TNKS2: variants seen among roughly 807,000 people sequenced by gnomAD.
TNKS2 encodes tankyrase 2.
Under a neutral mutation model 137.6 loss-of-function variants are expected in TNKS2, and 72 were observed. That is an observed-to-expected ratio of 0.52 (90% CI 0.43 to 0.64). The LOEUF is 0.64. TNKS2 is among the 30% of genes least tolerant of loss of function. The pLI is 0.00. For missense variants in TNKS2, 1,049 were observed against 1,410.2 expected (o/e 0.74, Z 4.10); for synonymous variants, 516 against 512.1 (o/e 1.01, Z -0.10).
intron 1 of TNKS2, among the ~76,000 whole-genome samples, chr10:91,805,307 G>A (rs2133586552): frequency 6.6e-6 from 1 of 152,234 alleles, no homozygotes; most frequent in South Asian, 2.1e-4. Flanking sequence ...CACCAGACTG[G>A]TTTCAGACAT....
In TNKS2 at chr10:91,828,425, G is replaced by T; in HGVS notation, c.1104+19G>T. 6.5e-7 allele frequency: 1 copy of T among 1,540,086 alleles called. No homozygotes were observed. The highest frequency in any genetic ancestry group is 8.7e-7 in the Non-Finnish European group (1 of 1,146,294). On this transcript the variant is annotated intron_variant, in intron 9 of 26. Coordinates refer to ENST00000371627, the MANE Select transcript of TNKS2 (RefSeq NM_025235.4). ...AGCATTGGTAATGTTTCAGATTTAA[G>T]TTTTTAAAATACAATAACGAAGAAC...
rs563104984 is a variant in TNKS2, at chr10:91,832,007, A to G, written c.1275+826A>G. ...CGCTTCCATAAATGAAATTTGCAGAATAGTTTATTCTTACCTATCCTTTCT... is the reference window on the plus strand; with the variant it reads ...CGCTTCCATAAATGAAATTTGCAGAGTAGTTTATTCTTACCTATCCTTTCT... On this transcript the variant is annotated intron_variant, in intron 11 of 26. Coordinates refer to ENST00000371627, the MANE Select transcript of TNKS2 (RefSeq NM_025235.4). Among the ~76,000 whole-genome samples the G allele has an allele frequency of 8.5e-4, 130 of 152,298 alleles. 1 individual carries two copies. The South Asian group carries it at 0.026, about 30-fold the overall frequency.
intron 21 of TNKS2, among the ~76,000 whole-genome samples, chr10:91,852,381 C>T (rs1328345586): frequency 6.6e-6 from 1 of 151,018 alleles, no homozygotes; most frequent in East Asian, 2.0e-4. Flanking sequence ...CATGGTGAAA[C>T]CCCATCTGTA....
intron 8 of TNKS2, 71 bp from the exon 9 acceptor site, chr10:91,828,214 A>C: frequency 7.4e-7 from 1 of 1,360,084 alleles, no homozygotes; most frequent in Middle Eastern, 1.9e-4. Context: ...CAAGGAAAAT[A>C]CTAGATGTCT....
intron 15 of TNKS2, among the ~76,000 whole-genome samples, 200 bp from the exon 16 acceptor site, chr10:91,841,972 C>G (rs1842220863): frequency 6.7e-6 from 1 of 148,794 alleles, no homozygotes; most frequent in Admixed American, 6.7e-5. Context: ...ATTAAAAAAT[C>G]CAGTAATATT....
chr10:91,839,325 A>G (rs1842137527), intron 13 of TNKS2, among the ~76,000 whole-genome samples: 1 of 140,986 alleles, frequency 7.1e-6, no homozygotes, highest in Non-Finnish European at 1.5e-5. Context: ...GGACTGTATA[A>G]ACCATCAGCA....
chr10:91,812,978 T>C lies in TNKS2; in HGVS notation c.200-5T>C. On this transcript the variant is annotated splice_polypyrimidine_tract_variant and splice_region_variant and intron_variant, in intron 1 of 26. Coordinates refer to ENST00000371627, the MANE Select transcript of TNKS2 (RefSeq NM_025235.4). ...CTTACGTGTGGACAATTTGTTTTCA[T>C]CTAGGTTTTGGGCGGAAAGACGTAG... 1.2e-6 allele frequency: 2 copies of C among 1,613,862 alleles called. No homozygotes were observed. The highest frequency in any genetic ancestry group is 3.3e-5 in the Admixed American group (2 of 60,004).
Position 91,798,427 on chromosome 10 carries a change from G to A in TNKS2, c.-264G>A. On this transcript the variant is annotated 5_prime_UTR_variant, in exon 1 of 27. Coordinates refer to ENST00000371627, the MANE Select transcript of TNKS2 (RefSeq NM_025235.4). ...GGAGCTGGCAGGAGGGGCCTTGCCA[G>A]CTTCCGCCGCCGCGTCGTTTCAGGA... 3.6e-6 allele frequency: 1 copy of A among 279,858 alleles called. No homozygotes were observed. The highest frequency in any genetic ancestry group is 6.5e-6 in the Non-Finnish European group (1 of 153,072). 17.3% of individuals were successfully genotyped at this position (279,858 alleles called of 1,614,324 possible). A position where few individuals can be genotyped will look rare whatever the true frequency, so the allele number is the denominator to read the frequency against.
intron 12 of TNKS2, among the ~76,000 whole-genome samples, chr10:91,835,807 C>T (rs766159345): frequency 6.7e-6 from 1 of 149,100 alleles, no homozygotes; most frequent in Non-Finnish European, 1.5e-5. Context: ...GGGGTTTTAC[C>T]ATGTTGCCGA....
intron 1 of TNKS2, among the ~76,000 whole-genome samples, chr10:91,805,235 A>G (rs955524275): frequency 6.6e-6 from 1 of 152,158 alleles, no homozygotes; most frequent in African/African-American, 2.4e-5. Flanking sequence ...ATAGCAGATT[A>G]CATTCACTCA....
At chr10:91,808,256 A>C (rs1184115718) in intron 1 of TNKS2, among the ~76,000 whole-genome samples, 3 of 151,652 alleles carry the variant, frequency 2.0e-5, no homozygotes, top group Non-Finnish European at 2.9e-5. Flanking sequence ...TAATGAGTAG[A>C]AGTGAGGATG....
At chr10:91,817,731 C>T (rs890068672) in intron 3 of TNKS2, among the ~76,000 whole-genome samples, 1 of 152,170 alleles carries the variant, frequency 6.6e-6, no homozygotes, top group Non-Finnish European at 1.5e-5. Flanking sequence ...TAGGCACACT[C>T]ATTTCAGTAC....
chr10:91,850,104 G>A (rs562173008), intron 20 of TNKS2, among the ~76,000 whole-genome samples: 1 of 152,124 alleles, frequency 6.6e-6, no homozygotes, highest in Non-Finnish European at 1.5e-5. Context: ...AGTGGCTCAC[G>A]CCTGTAATCC....
rs557253254 is a variant in TNKS2 at position 91,800,561 on chromosome 10, G to A, written c.199+1672G>A. ...TTCAGTTCTGTCCCAACGTTTCAAA[G>A]CATATTTTTTACATAGGTTTCATTT... On this transcript the variant is annotated intron_variant, in intron 1 of 26. Coordinates refer to ENST00000371627, the MANE Select transcript of TNKS2 (RefSeq NM_025235.4). 5.9e-5 allele frequency among the ~76,000 whole-genome samples: 9 copies of A among 152,194 alleles called. No individual in the cohort carries two copies. In the East Asian group the frequency reaches 1.7e-3, roughly 29 times the overall value.
At chr10:91,855,761 A>G in intron 23 of TNKS2, 73 bp downstream of exon 23, 2 of 1,125,230 alleles carry the variant, frequency 1.8e-6, no homozygotes, top group African/African-American at 1.6e-5. Context: ...TAACTTTCAT[A>G]AGAATCTAAT....
At position 91,798,638 on chromosome 10, in the gene TNKS2, G is replaced by T. The variant is rs1053583942; in HGVS notation, c.-53G>T. On this transcript the variant is annotated 5_prime_UTR_variant, in exon 1 of 27. Transcript: ENST00000371627. ...CTCGCCCTCCTGCTCGCGGGGCCGG[G>T]GCTCCTGCTCCGGTTGCTGGCGCTG... 1.6e-6 allele frequency: 2 copies of T among 1,212,592 alleles called. No homozygotes were observed. Among genetic ancestry groups the T allele is most frequent in the Middle Eastern group, 3.2e-4 (1 of 3,114 alleles). The allele number at this position is 1,212,592 out of a possible 1,614,324, so 75.1% of individuals were successfully genotyped here. A position where few individuals can be genotyped will look rare whatever the true frequency, so the allele number is the denominator to read the frequency against.
At chr10:91,860,414 C>A (rs984337593) in intron 25 of TNKS2, among the ~76,000 whole-genome samples, 21 of 152,282 alleles carry the variant, frequency 1.4e-4, no homozygotes, top group Admixed American at 9.8e-4. Context: ...TTAGGCTCCA[C>A]CTTCTCAGTT....
At chr10:91,839,650 C>G (rs1402537527) in intron 13 of TNKS2, among the ~76,000 whole-genome samples, 1 of 152,164 alleles carries the variant, frequency 6.6e-6, no homozygotes, top group African/African-American at 2.4e-5. Flanking sequence ...GTTACTGAAC[C>G]ACCAGCATCA....
At position 91,851,309 on chromosome 10, in the gene TNKS2, G is replaced by A; in HGVS notation, c.2788G>A (p.Val930Ile). The change falls in exon 21 of 27, where the codon GTC (valine) becomes ATC (isoleucine). Residue 930 changes from valine to isoleucine, a missense_variant. Val to Ile is a conservative substitution (Grantham distance 29). Around this residue, in one of 6 missense-constraint regions of TNKS2, gnomAD observed 208 missense variants for 231.2 expected, o/e 0.90. Coordinates refer to ENST00000371627, the MANE Select transcript of TNKS2 (RefSeq NM_025235.4). ...ACATAGGCACAAACTAATTAAAGGA[G>A]TCGAGAGACTTATCTCCGGACAACA... ...YGHRHKLIKG[V>I]ERLISGQQGL... The A allele has an allele frequency of 6.2e-7, 1 of 1,607,530 alleles. No individual in the cohort carries two copies. The highest frequency in any genetic ancestry group is 8.5e-7 in the Non-Finnish European group (1 of 1,178,558).
Sources: allele counts gnomAD v4.1 joint callset (sites outside exome capture counted in the v4.1 genomes callset), GRCh38; gene constraint gnomAD v4.1.1; regional missense constraint gnomAD v4.1.1; transcripts MANE v1.5; gene names NCBI Gene and HGNC (gene_info 2026-07-23, HGNC 2026-07-21).